Variants in ZNF365 observed in about 807,000 individuals in gnomAD.
ZNF365 encodes zinc finger protein 365.
ZNF365 carries 22 observed loss-of-function variants against 35.0 expected under a neutral mutation model. That is an observed-to-expected ratio of 0.63 (90% CI 0.45 to 0.90). The LOEUF is 0.90. Among genes scored for constraint, ZNF365 ranks in the 40% least tolerant of loss-of-function variants. The pLI, the probability that ZNF365 is intolerant of heterozygous loss-of-function variation, is 0.00. For missense variants in ZNF365, 448 were observed against 500.3 expected (o/e 0.90, Z 1.00); for synonymous variants, 188 against 196.2 (o/e 0.96, Z 0.35).
intron 3 of ZNF365, among the ~76,000 whole-genome samples, chr10:62,436,567 C>T (rs761711253): frequency 6.6e-6 from 1 of 152,162 alleles, no homozygotes; most frequent in Non-Finnish European, 1.5e-5. Flanking sequence ...TTCATTATTT[C>T]ATTAAGGCAG....
chr10:62,403,202 A>C, downstream of ZNF365, among the ~76,000 whole-genome samples: 1 of 152,206 alleles, frequency 6.6e-6, no homozygotes, highest in East Asian at 1.9e-4. Context: ...AGGACATGTT[A>C]GTAAGAAAAT....
At chr10:62,451,502 G>A (rs905358777) in intron 3 of ZNF365, among the ~76,000 whole-genome samples, 2 of 152,116 alleles carry the variant, frequency 1.3e-5, no homozygotes, top group African/African-American at 2.4e-5. Context: ...TGGTGCAGAG[G>A]TTCCAGTTCC....
chr10:62,435,260 G>A (rs1250143266), intron 3 of ZNF365, among the ~76,000 whole-genome samples: 4 of 152,130 alleles, frequency 2.6e-5, no homozygotes, highest in Non-Finnish European at 4.4e-5. Flanking sequence ...GGTCCAGGGA[G>A]GATAAAGGAC....
intron 3 of ZNF365, among the ~76,000 whole-genome samples, chr10:62,416,631 A>G (rs1354148204): frequency 6.6e-6 from 1 of 152,120 alleles, no homozygotes; most frequent in African/African-American, 2.4e-5. Context: ...GCAGACACAT[A>G]ATTGTAGAAC....
chr10:62,469,283 C>T (rs1251465126), intron 4 of ZNF365, among the ~76,000 whole-genome samples: 2 of 152,202 alleles, frequency 1.3e-5, no homozygotes, highest in Non-Finnish European at 2.9e-5. Flanking sequence ...TTCCTCTCAT[C>T]AAACAAGGGC....
chr10:62,416,055 A>G (rs1840069282), intron 3 of ZNF365, among the ~76,000 whole-genome samples: 1 of 152,108 alleles, frequency 6.6e-6, no homozygotes, highest in Non-Finnish European at 1.5e-5. Flanking sequence ...GGATGTTCCT[A>G]TCTTGCTTCT....
chr10:62,459,334 A>G (rs1840809748), intron 3 of ZNF365, among the ~76,000 whole-genome samples: 1 of 152,196 alleles, frequency 6.6e-6, no homozygotes, highest in Non-Finnish European at 1.5e-5. Flanking sequence ...TTTTAATGGC[A>G]TAATGTGAAA....
At chr10:62,398,635 C>A in intron 3 of ZNF365, 105 bp from the exon 4 acceptor site, 1 of 1,000,746 alleles carries the variant, frequency 1.0e-6, no homozygotes, top group Non-Finnish European at 1.5e-6. Context: ...CAGTCACTGA[C>A]TCCCTTAATG....
intron 2 of ZNF365, 78 bp downstream of exon 2, chr10:62,377,014 A>T (rs1412060173): frequency 1.3e-6 from 2 of 1,515,082 alleles, no homozygotes; most frequent in Non-Finnish European, 1.8e-6. Context: ...AATGCTAAGC[A>T]AGGTTGATTT....
At chr10:62,408,949 C>T (rs1034902127) in intron 3 of ZNF365, among the ~76,000 whole-genome samples, 1 of 152,190 alleles carries the variant, frequency 6.6e-6, no homozygotes, top group Non-Finnish European at 1.5e-5. Context: ...CTTACTTTCT[C>T]TACTCCAGCT....
chr10:62,395,215 G>T (rs958953211), intron 3 of ZNF365, among the ~76,000 whole-genome samples: 5 of 152,094 alleles, frequency 3.3e-5, no homozygotes, highest in Non-Finnish European at 5.9e-5. Context: ...CAGATACCCT[G>T]GGCAGATTTG....
intron 3 of ZNF365, among the ~76,000 whole-genome samples, chr10:62,427,856 G>A (rs1840273797): frequency 6.6e-6 from 1 of 152,168 alleles, no homozygotes; most frequent in African/African-American, 2.4e-5. Flanking sequence ...GTAGGTGCCA[G>A]TGCTATAGAT....
At chr10:62,444,506 C>T (rs1840552660) in intron 3 of ZNF365, among the ~76,000 whole-genome samples, 1 of 152,118 alleles carries the variant, frequency 6.6e-6, no homozygotes, top group Admixed American at 6.5e-5. Flanking sequence ...CTGGTAATGG[C>T]CCTAGGAGGC....
At chr10:62,444,587 C>T (rs930889398) in intron 3 of ZNF365, among the ~76,000 whole-genome samples, 8 of 152,114 alleles carry the variant, frequency 5.3e-5, no homozygotes, top group African/African-American at 1.4e-4. Flanking sequence ...AACCTGCCCT[C>T]TCCTCTGTCC....
downstream of ZNF365, among the ~76,000 whole-genome samples, chr10:62,402,684 GC>G (rs10716459): frequency 1 from 152,344 of 152,346 alleles, 76,171 homozygotes; most frequent in Middle Eastern, 1. Context: ...TTCATTAAAA[GC>G]CCCATTTGGC....
chr10:62,407,510 C>A (rs372322586), intron 3 of ZNF365, among the ~76,000 whole-genome samples: 2 of 151,960 alleles, frequency 1.3e-5, no homozygotes, highest in Admixed American at 6.6e-5. Context: ...TGACTTTTGA[C>A]CCTCACTGTC....
chr10:62,452,734 T>C (rs1222031432), intron 3 of ZNF365, among the ~76,000 whole-genome samples: 1 of 152,248 alleles, frequency 6.6e-6, no homozygotes, highest in Non-Finnish European at 1.5e-5. Flanking sequence ...GGGTCCTAAC[T>C]CTAGGAATAA....
chr10:62,415,474 G>A (rs894879138), intron 3 of ZNF365, among the ~76,000 whole-genome samples: 2 of 152,030 alleles, frequency 1.3e-5, no homozygotes, highest in Non-Finnish European at 2.9e-5. Context: ...TGCTTGGTGT[G>A]TTCATTGGGC....
intron 3 of ZNF365, among the ~76,000 whole-genome samples, chr10:62,447,844 G>A (rs1840615632): frequency 6.6e-6 from 1 of 152,202 alleles, no homozygotes; most frequent in Middle Eastern, 3.2e-3. Flanking sequence ...GATGGAAGCT[G>A]AGCAGTCAGT....
Sources: allele counts gnomAD v4.1 joint callset (sites outside exome capture counted in the v4.1 genomes callset), GRCh38; gene constraint gnomAD v4.1.1; transcripts MANE v1.5; gene names NCBI Gene and HGNC (gene_info 2026-07-23, HGNC 2026-07-21).